Variants in OSBPL8 observed in about 807,000 individuals in gnomAD.
The protein encoded by OSBPL8 is oxysterol-binding protein-related protein 8.
Under a neutral mutation model 125.5 loss-of-function variants are expected in OSBPL8, and 59 were observed. The observed-to-expected ratio is 0.47, with a 90% CI of 0.38 to 0.58. The LOEUF (loss-of-function observed/expected upper bound fraction) is 0.58. Ranked by LOEUF, OSBPL8 falls within the 20% of genes least tolerant of loss-of-function variation. The pLI is 0.00. For synonymous variants in OSBPL8, 330 were observed against 338.9 expected (o/e 0.97, Z 0.29); for missense variants, 758 against 1,047.8 (o/e 0.72, Z 3.82).
rs767168925 is a variant in OSBPL8, at chr12:76,384,242, G to A, written c.1630+12C>T. Reference sequence around the variant, plus strand: ...CCCAGGAGAGGGTGCAAGTTGGGACGGGAAAACTCACCATAAAACTTAGAC... The same window carrying A: ...CCCAGGAGAGGGTGCAAGTTGGGACAGGAAAACTCACCATAAAACTTAGAC... On this transcript the variant is annotated intron_variant, in intron 15 of 23. Transcript: ENST00000261183. The A allele has an allele frequency of 8.3e-6, 12 of 1,447,558 alleles. No homozygotes were observed. Among genetic ancestry groups the A allele is most frequent in the East Asian group, 7.1e-5 (3 of 42,376 alleles). 89.7% of individuals were successfully genotyped at this position (1,447,558 alleles called of 1,614,324 possible).
intron 8 of OSBPL8, among the ~76,000 whole-genome samples, chr12:76,397,010 T>G (rs560028813): frequency 6.6e-6 from 1 of 152,054 alleles, no homozygotes; most frequent in Non-Finnish European, 1.5e-5. Flanking sequence ...AGACAGGGTT[T>G]CACTATGTTG....
At chr12:76,531,477 T>C (rs893778818) in intron 1 of OSBPL8, among the ~76,000 whole-genome samples, 2 of 152,184 alleles carry the variant, frequency 1.3e-5, no homozygotes, top group Admixed American at 6.5e-5. Flanking sequence ...AGGCACCTTT[T>C]TGGCAAACCC....
intron 3 of OSBPL8, among the ~76,000 whole-genome samples, chr12:76,456,481 T>C (rs948393612): frequency 5.3e-5 from 8 of 151,962 alleles, no homozygotes; most frequent in African/African-American, 1.5e-4. Context: ...TGAAACCCCA[T>C]CTCTACTAAA....
intron 4 of OSBPL8, among the ~76,000 whole-genome samples, chr12:76,450,019 T>C (rs1873194318): frequency 1.3e-5 from 2 of 152,168 alleles, no homozygotes; most frequent in Admixed American, 1.3e-4. Context: ...TTCAATCGGA[T>C]CATCACATCA....
Position 76,399,882 on chromosome 12 carries a change from A to G in OSBPL8, c.459T>C (p.Asp153=). ...TTCAAAACACACTGACCTTTAACCA[A>G]TCAGCCATAACAATAACAGAAGGAT... is the stretch of plus-strand genomic sequence containing the variant. ...ITDPSVIVMA[D]WLKIRGTLKS... is the part of the protein sequence containing the mutation. Residue 153 remains aspartate, a synonymous_variant, in exon 7 of 24, where the codon GAT becomes GAC. Transcript: ENST00000261183. 2 of 1,595,892 alleles carry G rather than the reference A, an allele frequency of 1.3e-6. No individual in the cohort carries two copies. Among genetic ancestry groups the G allele is most frequent in the Non-Finnish European group, 1.7e-6 (2 of 1,174,868 alleles).
At chr12:76,480,746 C>T (rs1877384313) in intron 2 of OSBPL8, among the ~76,000 whole-genome samples, 1 of 152,164 alleles carries the variant, frequency 6.6e-6, no homozygotes, top group Non-Finnish European at 1.5e-5. Flanking sequence ...TATCCAACAA[C>T]AGGACCCACT....
At chr12:76,542,099 A>G (rs2137430262) in intron 1 of OSBPL8, among the ~76,000 whole-genome samples, 1 of 152,328 alleles carries the variant, frequency 6.6e-6, no homozygotes, top group African/African-American at 2.4e-5. Flanking sequence ...TGAACCCAGA[A>G]GGCAGAGGTT....
chr12:76,464,400 T>C (rs964798712), intron 2 of OSBPL8, among the ~76,000 whole-genome samples: 10 of 152,206 alleles, frequency 6.6e-5, no homozygotes, highest in East Asian at 1.9e-4. Flanking sequence ...ATCGATAAGA[T>C]ATATCAGTAA....
At chr12:76,416,637 T>C (rs994915202) in intron 4 of OSBPL8, among the ~76,000 whole-genome samples, 1 of 152,124 alleles carries the variant, frequency 6.6e-6, no homozygotes, top group Non-Finnish European at 1.5e-5. Flanking sequence ...ACAGGAACTT[T>C]CTTTTCAGTA....
chr12:76,476,669 A>C (rs1876845491), intron 2 of OSBPL8, among the ~76,000 whole-genome samples: 1 of 152,192 alleles, frequency 6.6e-6, no homozygotes, highest in African/African-American at 2.4e-5. Flanking sequence ...ACATTCACAA[A>C]ATAAGAGATG....
At chr12:76,454,793 C>T (rs1873825602) in intron 3 of OSBPL8, among the ~76,000 whole-genome samples, 1 of 149,786 alleles carries the variant, frequency 6.7e-6, no homozygotes, top group African/African-American at 2.4e-5. Flanking sequence ...ACCATGACAC[C>T]ATTCTTTTAA....
chr12:76,479,708 A>T (rs1454733467), intron 2 of OSBPL8, among the ~76,000 whole-genome samples: 1 of 152,204 alleles, frequency 6.6e-6, no homozygotes, highest in African/African-American at 2.4e-5. Flanking sequence ...CACCTTAAAC[A>T]TCACCATGAG....
intron 2 of OSBPL8, among the ~76,000 whole-genome samples, chr12:76,476,697 A>C (rs1876848237): frequency 6.6e-6 from 1 of 152,198 alleles, no homozygotes; most frequent in Non-Finnish European, 1.5e-5. Flanking sequence ...AAGGCATAAA[A>C]GATTTAAATA....
intron 8 of OSBPL8, 66 bp downstream of exon 8, chr12:76,397,628 T>TAGA: frequency 7.0e-7 from 1 of 1,437,454 alleles, no homozygotes. Context: ...ATTTGATTGA[T>TAGA]GTATCTCAGT....
At chr12:76,430,463 G>A (rs1299867098) in intron 4 of OSBPL8, among the ~76,000 whole-genome samples, 1 of 152,162 alleles carries the variant, frequency 6.6e-6, no homozygotes, top group Admixed American at 6.5e-5. Flanking sequence ...TTCAAATGCA[G>A]ACACTAACAT....
At chr12:76,410,474 CA>C in intron 5 of OSBPL8, 89 bp downstream of exon 5, 1 of 966,150 alleles carries the variant, frequency 1.0e-6, no homozygotes. Context: ...AAAAACATCA[CA>C]AAAAAGCTTC....
chr12:76,414,421 A>G (rs1868366155), intron 4 of OSBPL8, among the ~76,000 whole-genome samples: 1 of 148,176 alleles, frequency 6.7e-6, no homozygotes, highest in Non-Finnish European at 1.5e-5. Flanking sequence ...ATTAATATAT[A>G]TATTTAAGGA....
intron 1 of OSBPL8, among the ~76,000 whole-genome samples, chr12:76,527,962 GT>G (rs1218869032): frequency 6.6e-6 from 1 of 152,186 alleles, no homozygotes; most frequent in Non-Finnish European, 1.5e-5. Flanking sequence ...CCAACTGTCT[GT>G]TTATCCCTGT....
At chr12:76,478,664 T>C (rs977940990) in intron 2 of OSBPL8, among the ~76,000 whole-genome samples, 7 of 151,472 alleles carry the variant, frequency 4.6e-5, no homozygotes, top group African/African-American at 1.2e-4. Flanking sequence ...TATAATGAGA[T>C]GCAATCTTTA....
Sources: gnomAD v4.1 joint callset for allele counts (sites outside exome capture counted in the v4.1 genomes callset) on GRCh38, gnomAD v4.1.1 for gene constraint, MANE v1.5 for transcripts, NCBI Gene and HGNC (gene_info 2026-07-23, HGNC 2026-07-21) for gene names.